Variants in RMDN1 observed in about 807,000 individuals in gnomAD.
The protein encoded by RMDN1 is regulator of microtubule dynamics protein 1.
A neutral mutation model predicts 48.9 loss-of-function variants in RMDN1; 48 were observed. That is an observed-to-expected ratio of 0.98 (90% CI 0.78 to 1.25). RMDN1 has a LOEUF of 1.25. Among genes scored for constraint, RMDN1 ranks in the 50% most tolerant of loss-of-function variants. The pLI, the probability that RMDN1 is intolerant of heterozygous loss-of-function variation, is 0.00. For missense variants in RMDN1, 418 were observed against 373.4 expected (o/e 1.12, Z -0.98); for synonymous variants, 148 against 132.6 (o/e 1.12, Z -0.80).
chr8:86,482,596 C>T (rs1814712035), intron 5 of RMDN1: 2 of 754,632 alleles, frequency 2.7e-6, no homozygotes, highest in Admixed American at 3.4e-5. Context: ...GTTTTTGTGA[C>T]AACTGCCTCC....
intron 9 of RMDN1, 167 bp downstream of exon 9, chr8:86,474,653 A>T (rs577070257): frequency 3.9e-5 from 31 of 787,080 alleles, no homozygotes; most frequent in Middle Eastern, 2.2e-4. Flanking sequence ...TAACTAAATT[A>T]TTTCCTATAT....
chr8:86,478,873 G>T, intron 7 of RMDN1, 50 bp downstream of exon 7: 1 of 1,407,348 alleles, frequency 7.1e-7, no homozygotes. Flanking sequence ...TGGTAGAATG[G>T]CGCTGTGGTT....
chr8:86,494,672 G>A (rs1390728376), intron 2 of RMDN1, among the ~76,000 whole-genome samples: 1 of 152,126 alleles, frequency 6.6e-6, no homozygotes, highest in Non-Finnish European at 1.5e-5. Context: ...TAGAGGCCTA[G>A]GACCTTAAAA....
At chr8:86,512,825 G>C (rs994982245), upstream of RMDN1, among the ~76,000 whole-genome samples, 2 of 151,886 alleles carry the variant, frequency 1.3e-5, no homozygotes, top group African/African-American at 4.8e-5. Flanking sequence ...TGTAATCCCA[G>C]CACTCTGGGA....
At chr8:86,484,991 A>G in intron 4 of RMDN1, 30 bp from the exon 5 acceptor site, 1 of 1,157,656 alleles carries the variant, frequency 8.6e-7, no homozygotes, top group Admixed American at 2.0e-5. Context: ...TAAGAACAAT[A>G]ATATTCTTAA....
At chr8:86,480,758 AGTTT>A (rs1201524159) in intron 5 of RMDN1, among the ~76,000 whole-genome samples, 1 of 152,104 alleles carries the variant, frequency 6.6e-6, no homozygotes, top group Admixed American at 6.5e-5. Flanking sequence ...AGTGCATTTT[AGTTT>A]TTTAGAAAAA....
downstream of RMDN1, chr8:86,470,040 G>GT (rs1812408541): frequency 2.1e-6 from 1 of 485,460 alleles, no homozygotes; most frequent in Non-Finnish European, 2.7e-6. Context: ...TAAAAACTCA[G>GT]TTGAGATAAC....
At chr8:86,477,531 C>T in intron 7 of RMDN1, 1 of 437,490 alleles carries the variant, frequency 2.3e-6, no homozygotes, top group East Asian at 3.7e-5. Context: ...ATATGGACTA[C>T]TTCTGGTAAT....
At chr8:86,496,847 C>G (rs545399326) in intron 2 of RMDN1, among the ~76,000 whole-genome samples, 1 of 152,106 alleles carries the variant, frequency 6.6e-6, no homozygotes, top group Non-Finnish European at 1.5e-5. Flanking sequence ...ATTCTTCTCA[C>G]CTGAGCACGG....
chr8:86,504,340 A>G, intron 2 of RMDN1: 2 of 1,578,546 alleles, frequency 1.3e-6, no homozygotes, highest in East Asian at 2.2e-5. Context: ...GTCACAAGAA[A>G]AGCAAGTCAC....
chr8:86,508,368 C>T (rs1819737301), intron 1 of RMDN1, 124 bp downstream of exon 1: 1 of 1,098,466 alleles, frequency 9.1e-7, no homozygotes, highest in Non-Finnish European at 1.2e-6. Flanking sequence ...CACAGTGGCC[C>T]CGAGTTCTTT....
chr8:86,492,651 TTAATAA>T (rs71574272), intron 2 of RMDN1, among the ~76,000 whole-genome samples: 27,662 of 144,080 alleles, frequency 0.19, 2,852 homozygotes, highest in East Asian at 0.33. Flanking sequence ...AGACTCCGCC[TTAATAA>T]TAATAATAAT....
rs768797567 is a variant in RMDN1 at position 86,480,285 on chromosome 8, C to G, written c.633G>C (p.Met211Ile). ...TAAAGAAATTTTCTTACCAAATACC[C>G]ATAAGGTGAATTGAAGTAGCATCTT... ...NPKDATSIHL[M>I]GIWCYTFAEM... The change falls in exon 6 of 10, where the codon ATG becomes ATC. Residue 211 changes from methionine to isoleucine, a missense_variant. Transcript: ENST00000406452. 5.9e-6 allele frequency: 9 copies of G among 1,530,784 alleles called. No individual in the cohort carries two copies. Among genetic ancestry groups the G allele is most frequent in the African/African-American group, 5.5e-5 (4 of 72,868 alleles). The allele number at this position is 1,530,784 out of a possible 1,614,324, so 94.8% of individuals were successfully genotyped here.
chr8:86,484,980 G>GT lies in RMDN1; in HGVS notation c.496-20dup, dbSNP rs761592559. On this transcript the variant is annotated intron_variant, in intron 4 of 9. Transcript: ENST00000406452. ...CATACCACTGAAAATTTAAAAAAGTGTAAGAACAATAATATTCTTAATATT... is the reference window on the plus strand; with the variant it reads ...CATACCACTGAAAATTTAAAAAAGTGTTAAGAACAATAATATTCTTAATATT... 361 of 1,367,888 alleles carry GT rather than the reference G, an allele frequency of 2.6e-4. No individual in the cohort carries two copies. The highest frequency in any genetic ancestry group is 3.6e-4 in the Non-Finnish European group (348 of 970,654). The allele number at this position is 1,367,888 out of a possible 1,614,324, so 84.7% of individuals were successfully genotyped here.
intron 2 of RMDN1, among the ~76,000 whole-genome samples, chr8:86,503,396 A>AAT (rs1818729784): frequency 1.4e-5 from 2 of 139,086 alleles, no homozygotes; most frequent in Non-Finnish European, 3.2e-5. Flanking sequence ...AAAACAAAAA[A>AAT]AAATAACAAA....
At chr8:86,504,809 C>A in intron 2 of RMDN1, 1 of 1,051,604 alleles carries the variant, frequency 9.5e-7, no homozygotes, top group Non-Finnish European at 1.5e-6. Context: ...CCAACTATAC[C>A]TCCAACTTCT....
chr8:86,504,881 C>T (rs1311054448), intron 2 of RMDN1: 21 of 1,083,344 alleles, frequency 1.9e-5, no homozygotes, highest in East Asian at 1.2e-4. Context: ...TTATTATCTT[C>T]GCCAGCTTCC....
chr8:86,491,453 A>G (rs1816484591), intron 2 of RMDN1, among the ~76,000 whole-genome samples: 1 of 152,176 alleles, frequency 6.6e-6, no homozygotes, highest in African/African-American at 2.4e-5. Flanking sequence ...TACACTTCCT[A>G]TGGTACTACA....
chr8:86,493,826 T>C (rs751709874), intron 2 of RMDN1, among the ~76,000 whole-genome samples: 8 of 152,190 alleles, frequency 5.3e-5, no homozygotes, highest in Non-Finnish European at 7.3e-5. Flanking sequence ...AAATGCAACA[T>C]AAATAAACTC....
Sources: gnomAD v4.1 joint callset for allele counts (sites outside exome capture counted in the v4.1 genomes callset) on GRCh38, gnomAD v4.1.1 for gene constraint, MANE v1.5 for transcripts, NCBI Gene and HGNC (gene_info 2026-07-23, HGNC 2026-07-21) for gene names.